Variants in FADD observed in about 807,000 individuals in gnomAD.
FADD encodes FAS-associated death domain protein.
A neutral mutation model predicts 5.8 loss-of-function variants in FADD; 3 were observed. The ratio of observed to expected loss-of-function variants is 0.52; its 90% CI spans 0.24 to 1.34. The LOEUF (loss-of-function observed/expected upper bound fraction) is 1.34, where lower values mean the gene tolerates loss of function less well. Among genes scored for constraint, FADD ranks in the 40% most tolerant of loss-of-function variants. FADD has a pLI of 0.17. For synonymous variants in FADD, 138 were observed against 130.8 expected (o/e 1.06, Z -0.38); for missense variants, 249 against 286.7 (o/e 0.87, Z 0.95).
intron 1 of FADD, among the ~76,000 whole-genome samples, chr11:70,204,502 C>G (rs549256464): frequency 4.6e-5 from 7 of 152,184 alleles, no homozygotes; most frequent in South Asian, 4.1e-4. Context: ...AGCCCTACCC[C>G]CCTTGTTCTC....
intron 1 of FADD, among the ~76,000 whole-genome samples, chr11:70,204,373 TC>T (rs1349584767): frequency 1.3e-5 from 2 of 152,150 alleles, no homozygotes; most frequent in South Asian, 2.1e-4. Flanking sequence ...GCCTCTCTGG[TC>T]AAGTTCATTG....
At chr11:70,206,078 G>T in intron 1 of FADD, 55 bp from the exon 2 acceptor site, 3 of 1,476,952 alleles carry the variant, frequency 2.0e-6, no homozygotes, top group Non-Finnish European at 1.9e-6. Context: ...AGGGAGGATT[G>T]TGGGGTCGCT....
chr11:70,204,381 A>G (rs1358060093), intron 1 of FADD, among the ~76,000 whole-genome samples: 1 of 152,154 alleles, frequency 6.6e-6, no homozygotes, highest in Non-Finnish European at 1.5e-5. Context: ...GGTCAAGTTC[A>G]TTGTGGAGTG....
rs1403669233 is a variant in FADD, at chr11:70,206,431, G to A, written c.585G>A (p.Pro195=). 9.9e-6 allele frequency: 16 copies of A among 1,613,974 alleles called. No homozygotes were observed. In the East Asian group the frequency reaches 1.8e-4, roughly 18 times the overall value. ...DLQNRSGAMS[P]MSWNSDASTS... ...AGAACAGGAGTGGGGCCATGTCCCC[G>A]ATGTCATGGAACTCAGACGCATCTA... Residue 195 remains proline, a synonymous_variant, in exon 2 of 2, where the codon CCG becomes CCA. Coordinates refer to ENST00000301838, the MANE Select transcript of FADD (RefSeq NM_003824.4).
chr11:70,205,254 C>G (rs1197520231), intron 1 of FADD, among the ~76,000 whole-genome samples: 1 of 152,190 alleles, frequency 6.6e-6, no homozygotes, highest in Non-Finnish European at 1.5e-5. Flanking sequence ...CTTTTATGGT[C>G]TTGTGACCAG....
chr11:70,206,627 T>TA lies in FADD; in HGVS notation c.*156dup, dbSNP rs2135900245. On this transcript the variant is annotated 3_prime_UTR_variant, in exon 2 of 2. Transcript: ENST00000301838. ...GCTTCTGAACTCAAGCTGCGTTTAT[T>TA]AATGCCTCTCCCGCACCAGGCCGGG... 1.4e-6 allele frequency: 1 copy of TA among 698,976 alleles called. No individual in the cohort carries two copies. Among genetic ancestry groups the TA allele is most frequent in the East Asian group, 2.7e-5 (1 of 36,942 alleles). The allele number at this position is 698,976 out of a possible 1,614,324, so 43.3% of individuals were successfully genotyped here.
intron 1 of FADD, 80 bp from the exon 2 acceptor site, chr11:70,206,043 CTTGGCGTCTG>C: frequency 8.8e-7 from 1 of 1,137,880 alleles, no homozygotes; most frequent in Non-Finnish European, 1.3e-6. Flanking sequence ...CCACTCAGCA[CTTGGCGTCTG>C]TGCTGAAAAG....
At chr11:70,205,278 G>A (rs926031152) in intron 1 of FADD, among the ~76,000 whole-genome samples, 1 of 152,192 alleles carries the variant, frequency 6.6e-6, no homozygotes, top group Non-Finnish European at 1.5e-5. Flanking sequence ...CCTGATCTCA[G>A]TGGTGACGTC....
Position 70,203,618 on chromosome 11 carries a change from C to T in FADD, c.159C>T (p.Asn53=). The part of the protein sequence containing the change: ...LDLFSMLLEQ[N]DLEPGHTELL... Reference sequence around the variant, plus strand: ...TCTTCTCCATGCTGCTGGAGCAGAACGACCTGGAGCCCGGGCACACCGAGC... The same window carrying T: ...TCTTCTCCATGCTGCTGGAGCAGAATGACCTGGAGCCCGGGCACACCGAGC... Residue 53 remains asparagine (N), a synonymous_variant, in exon 1 of 2, where the codon AAC becomes AAT. Coordinates refer to ENST00000301838, the MANE Select transcript of FADD (RefSeq NM_003824.4). 6.3e-7 allele frequency: 1 copy of T among 1,599,304 alleles called. No homozygotes were observed. Among genetic ancestry groups the T allele is most frequent in the Non-Finnish European group, 8.5e-7 (1 of 1,174,952 alleles).
intron 1 of FADD, among the ~76,000 whole-genome samples, chr11:70,204,512 C>T (rs1000710410): frequency 2.0e-5 from 3 of 152,200 alleles, no homozygotes; most frequent in African/African-American, 7.2e-5. Flanking sequence ...CCCTTGTTCT[C>T]AGAGTCGGGA....
chr11:70,204,607 G>A (rs1209550373), intron 1 of FADD, among the ~76,000 whole-genome samples: 1 of 152,136 alleles, frequency 6.6e-6, no homozygotes, highest in Admixed American at 6.6e-5. Flanking sequence ...ATCAGATAGG[G>A]CCTAAATGTG....
chr11:70,207,020 TGGTGGGGAGAGGCATGGCTGGGGTGGG>T lies in FADD; in HGVS notation c.*558_*584del, dbSNP rs2049467787. The T allele has an allele frequency of 8.3e-6, 1 of 121,008 alleles. No homozygotes were observed. The highest frequency in any genetic ancestry group is 3.1e-5 in the African/African-American group (1 of 32,668). 7.5% of individuals were successfully genotyped at this position (121,008 alleles called of 1,614,324 possible). On this transcript the variant is annotated 3_prime_UTR_variant, in exon 2 of 2. Transcript: ENST00000301838. ...GACACTAGGGTCAGGCGGGGTGCTG[TGGTGGGGAGAGGCATGGCTGGGGTGGG>T]GGTGGGGAGACCTGGTTGGCCGTGG...
At position 70,203,347 on chromosome 11, in the gene FADD, G is replaced by C; in HGVS notation, c.-113G>C. ...CAGGCACCGGAGTGCAGGTTCGGGG[G>C]TGGAATCCTTGGGCCGCTGGGCAAG... is the stretch of plus-strand genomic sequence containing the variant. On this transcript the variant is annotated 5_prime_UTR_variant, in exon 1 of 2. Coordinates refer to ENST00000301838, the MANE Select transcript of FADD (RefSeq NM_003824.4). The C allele has an allele frequency of 6.6e-7, 1 of 1,514,320 alleles. No individual in the cohort carries two copies. The highest frequency in any genetic ancestry group is 1.4e-5 in the African/African-American group (1 of 71,410). The allele number at this position is 1,514,320 out of a possible 1,614,324, so 93.8% of individuals were successfully genotyped here. A position where few individuals can be genotyped will look rare whatever the true frequency, so the allele number is the denominator to read the frequency against.
intron 1 of FADD, among the ~76,000 whole-genome samples, chr11:70,205,881 TGA>T (rs1353581476): frequency 1.3e-5 from 2 of 152,284 alleles, no homozygotes; most frequent in Admixed American, 1.3e-4. Context: ...CTTTGGCACT[TGA>T]GTCTTCAGTG....
At chr11:70,204,974 A>G (rs1051897037) in intron 1 of FADD, among the ~76,000 whole-genome samples, 1 of 152,166 alleles carries the variant, frequency 6.6e-6, no homozygotes, top group African/African-American at 2.4e-5. Flanking sequence ...AGTTCAGCAT[A>G]GCGGTTAAGG....
chr11:70,206,538 GGAAGGTAGCCCAGCA>G lies in FADD; in HGVS notation c.*66_*80del. ...ACAGCCTGGACTTTGGTTCTCTCCA[GGAAGGTAGCCCAGCA>G]CTGTGAAGACCCAGCAGGAAGCCAG... On this transcript the variant is annotated 3_prime_UTR_variant, in exon 2 of 2. Coordinates refer to ENST00000301838, the MANE Select transcript of FADD (RefSeq NM_003824.4). The G allele has an allele frequency of 4.7e-6, 7 of 1,492,676 alleles. No individual in the cohort carries two copies. The South Asian group carries it at 8.1e-5, about 17-fold the overall frequency. The allele number at this position is 1,492,676 out of a possible 1,614,324, so 92.5% of individuals were successfully genotyped here. A position where few individuals can be genotyped will look rare whatever the true frequency, so the allele number is the denominator to read the frequency against.
Position 70,203,402 on chromosome 11 carries a change from G to A in FADD, c.-58G>A. ...GAGACCTGGCCAGGGCCAGCGAGCC[G>A]AGGACAGAGGGCGCACGGAGGGCCG... On this transcript the variant is annotated 5_prime_UTR_variant, in exon 1 of 2. Coordinates refer to ENST00000301838, the MANE Select transcript of FADD (RefSeq NM_003824.4). 3.2e-6 allele frequency: 5 copies of A among 1,546,402 alleles called. No individual in the cohort carries two copies. The highest frequency in any genetic ancestry group is 4.4e-6 in the Non-Finnish European group (5 of 1,145,848).
rs1254860871 is a variant in FADD, at chr11:70,207,187, GAC to G, written c.*720_*721del. ...ATCTGTGAGGTGCTGATGAGTGATTGACACACAGCACTCTCTAAATCTTCCTT... is the reference window on the plus strand; with the variant it reads ...ATCTGTGAGGTGCTGATGAGTGATTGACACAGCACTCTCTAAATCTTCCTT... On this transcript the variant is annotated 3_prime_UTR_variant, in exon 2 of 2. Coordinates refer to ENST00000301838, the MANE Select transcript of FADD (RefSeq NM_003824.4). 1 of 153,312 alleles carries G rather than the reference GAC, an allele frequency of 6.5e-6. No individual in the cohort carries two copies. The highest frequency in any genetic ancestry group is 1.9e-4 in the East Asian group (1 of 5,192). The allele number at this position is 153,312 out of a possible 1,614,324, so 9.5% of individuals were successfully genotyped here.
chr11:70,203,793 G>T, intron 1 of FADD, 48 bp downstream of exon 1: 1 of 967,106 alleles, frequency 1.0e-6, no homozygotes, highest in Non-Finnish European at 1.4e-6. Flanking sequence ...TCGCCCGGCT[G>T]TAGGTGCTGC....
Sources: allele counts gnomAD v4.1 joint callset (sites outside exome capture counted in the v4.1 genomes callset), GRCh38; gene constraint gnomAD v4.1.1; transcripts MANE v1.5; gene names NCBI Gene and HGNC (gene_info 2026-07-23, HGNC 2026-07-21).